ADAMTSL3: variants seen among roughly 807,000 people sequenced by gnomAD.
ADAMTSL3 encodes ADAMTS like 3, also known as ADAMTS-like protein 3.
Under a neutral mutation model 201.7 loss-of-function variants are expected in ADAMTSL3, and 128 were observed. The observed-to-expected ratio is 0.63, with a 90% confidence interval of 0.55 to 0.73. The LOEUF is 0.73. Ranked by LOEUF, ADAMTSL3 falls within the 30% of genes least tolerant of loss-of-function variation. The pLI, the probability that ADAMTSL3 is intolerant of heterozygous loss-of-function variation, is 0.00. For missense variants in ADAMTSL3, 1,990 were observed against 2,119.6 expected (o/e 0.94, Z 1.20); for synonymous variants, 738 against 748.4 (o/e 0.99, Z 0.23).
chr15:83,798,801 C>T (rs1413713263), intron 4 of ADAMTSL3, among the ~76,000 whole-genome samples: 9 of 114,060 alleles, frequency 7.9e-5, no homozygotes, highest in Admixed American at 4.7e-4. Context: ...AGTGGGACTC[C>T]GTCTCAAAAA....
chr15:83,677,890 AT>A (rs1178566484), intron 2 of ADAMTSL3, among the ~76,000 whole-genome samples: 11 of 145,292 alleles, frequency 7.6e-5, no homozygotes, highest in Non-Finnish European at 1.2e-4. Context: ...GGTTACTTGA[AT>A]TTTTTTTTTA....
intron 11 of ADAMTSL3, among the ~76,000 whole-genome samples, 173 bp downstream of exon 11, chr15:83,890,420 T>C (rs2065480559): frequency 6.6e-6 from 1 of 152,240 alleles, no homozygotes; most frequent in African/African-American, 2.4e-5. Flanking sequence ...GACACATTCA[T>C]TAGGAATGAA....
At chr15:83,678,518 TC>T (rs770684492) in intron 2 of ADAMTSL3, among the ~76,000 whole-genome samples, 2 of 151,892 alleles carry the variant, frequency 1.3e-5, no homozygotes, top group African/African-American at 2.4e-5. Flanking sequence ...ATTGTTTTTT[TC>T]CTGTAGGTAA....
intron 2 of ADAMTSL3, among the ~76,000 whole-genome samples, chr15:83,656,719 C>A (rs764917968): frequency 3.9e-5 from 6 of 152,188 alleles, no homozygotes; most frequent in Non-Finnish European, 7.4e-5. Context: ...ACAAGGCAAT[C>A]CCTCCCTGCA....
chr15:83,840,976 T>C (rs1226486795), intron 7 of ADAMTSL3, among the ~76,000 whole-genome samples: 1 of 152,216 alleles, frequency 6.6e-6, no homozygotes, highest in African/African-American at 2.4e-5. Context: ...TATTGGACAT[T>C]GAGATGTTAC....
chr15:83,654,591 C>A lies in ADAMTSL3; in HGVS notation c.-34+315C>A, dbSNP rs927191390. Among the ~76,000 whole-genome samples the A allele has an allele frequency of 6.6e-6, 1 of 152,134 alleles. No individual in the cohort carries two copies. The highest frequency in any genetic ancestry group is 1.5e-5 in the Non-Finnish European group (1 of 68,036). Reference sequence around the variant, plus strand: ...TGGAGTTTTTCAGGATTGGGAGTTACTAAGCAGAAACCTCGCGGGTCCGAA... The same window carrying A: ...TGGAGTTTTTCAGGATTGGGAGTTAATAAGCAGAAACCTCGCGGGTCCGAA... On this transcript the variant is annotated intron_variant, in intron 1 of 29. Transcript: ENST00000286744. The surrounding 1 kb of genome is among the most constrained non-coding windows in gnomAD (Gnocchi z 5.3).
At chr15:83,732,879 A>G (rs74619078) in intron 3 of ADAMTSL3, among the ~76,000 whole-genome samples, 1,987 of 152,218 alleles carry the variant, frequency 0.013, 22 homozygotes, top group African/African-American at 0.033. Flanking sequence ...TCCGAATGTG[A>G]TTCCTGTCAG....
At chr15:83,893,487 G>C (rs939540095) in intron 13 of ADAMTSL3, among the ~76,000 whole-genome samples, 1 of 152,160 alleles carries the variant, frequency 6.6e-6, no homozygotes, top group African/African-American at 2.4e-5. Flanking sequence ...TAAGAATTGG[G>C]AGATTAAGTT....
intron 3 of ADAMTSL3, among the ~76,000 whole-genome samples, chr15:83,751,952 G>C (rs1293400061): frequency 6.6e-6 from 1 of 152,210 alleles, no homozygotes; most frequent in East Asian, 1.9e-4. Context: ...AATGTGAAAA[G>C]ATTCTGCATC....
chr15:84,031,527 A>G, intron 28 of ADAMTSL3, 95 bp downstream of exon 28: 2 of 1,088,674 alleles, frequency 1.8e-6, no homozygotes, highest in Admixed American at 1.8e-5. Context: ...TCTAGTTTCT[A>G]CCAACTCTCA....
rs760994662 is a variant in ADAMTSL3 at position 83,838,191 on chromosome 15, A to G, written c.703A>G (p.Lys235Glu). ...STCRLVRGQS[K>E]SHVSPEKREE... Reference sequence around the variant, plus strand: ...CTGCAGGCTTGTACGGGGACAATCAAAGTCACACGTTTCTCCTGAAAAAAG... The same window carrying G: ...CTGCAGGCTTGTACGGGGACAATCAGAGTCACACGTTTCTCCTGAAAAAAG... The change falls in exon 7 of 30, where the codon AAG becomes GAG. Residue 235 changes from lysine (K) to glutamate (E), a missense_variant. Physicochemically the swap from Lys to Glu is moderately conservative, Grantham distance 56. Transcript: ENST00000286744. The G allele has an allele frequency of 6.2e-7, 1 of 1,613,224 alleles. No homozygotes were observed. Among genetic ancestry groups the G allele is most frequent in the Non-Finnish European group, 8.5e-7 (1 of 1,179,656 alleles).
At chr15:83,958,524 T>G (rs767760305) in intron 19 of ADAMTSL3, among the ~76,000 whole-genome samples, 2 of 152,162 alleles carry the variant, frequency 1.3e-5, no homozygotes, top group African/African-American at 4.8e-5. Context: ...AAGATAACTA[T>G]CCTGAAATAT....
chr15:83,819,689 A>T, intron 5 of ADAMTSL3, 122 bp from the exon 6 acceptor site: 1 of 678,502 alleles, frequency 1.5e-6, no homozygotes, highest in Non-Finnish European at 2.6e-6. Flanking sequence ...AGAGGGAATT[A>T]GGTGACTCCC....
At chr15:83,878,749 G>A (rs2065222594) in intron 9 of ADAMTSL3, among the ~76,000 whole-genome samples, 1 of 151,764 alleles carries the variant, frequency 6.6e-6, no homozygotes, top group African/African-American at 2.4e-5. Flanking sequence ...GTACCTATGT[G>A]AAGGAAAGGG....
chr15:83,791,181 G>A (rs149106813), intron 4 of ADAMTSL3, among the ~76,000 whole-genome samples: 1 of 152,226 alleles, frequency 6.6e-6, no homozygotes, highest in South Asian at 2.1e-4. Flanking sequence ...TACAGATTCA[G>A]TGTAATCTCT....
intron 15 of ADAMTSL3, among the ~76,000 whole-genome samples, chr15:83,905,920 G>T (rs2065823494): frequency 6.6e-6 from 1 of 150,804 alleles, no homozygotes; most frequent in African/African-American, 2.4e-5. Context: ...ATGTTATTTT[G>T]TAGTTTTTTT....
chr15:83,905,583 G>A (rs1021167709), intron 15 of ADAMTSL3, among the ~76,000 whole-genome samples: 4 of 152,186 alleles, frequency 2.6e-5, no homozygotes, highest in Non-Finnish European at 5.9e-5. Context: ...AGGAGGCTGT[G>A]GGAGCCATGT....
At chr15:83,888,333 T>G (rs2065438182) in intron 10 of ADAMTSL3, among the ~76,000 whole-genome samples, 4 of 152,224 alleles carry the variant, frequency 2.6e-5, no homozygotes, top group Admixed American at 2.6e-4. Context: ...ATTAATTGTC[T>G]CTCCTCAAAT....
At chr15:83,827,995 A>G (rs1327885402) in intron 6 of ADAMTSL3, among the ~76,000 whole-genome samples, 2 of 152,230 alleles carry the variant, frequency 1.3e-5, no homozygotes, top group African/African-American at 4.8e-5. Context: ...TGTCTTGGCA[A>G]TGCAGGCTCT....
Sources: allele counts gnomAD v4.1 joint callset (sites outside exome capture counted in the v4.1 genomes callset), GRCh38; gene constraint gnomAD v4.1.1; non-coding constraint Gnocchi (gnomAD v3.1); transcripts MANE v1.5; gene names NCBI Gene and HGNC (gene_info 2026-07-23, HGNC 2026-07-21).